Variants in SOX5 observed in about 807,000 individuals in gnomAD.
SOX5 encodes transcription factor SOX-5.
In SOX5, 9 loss-of-function variants were observed where a neutral mutation model predicts 92.0. That is an observed-to-expected ratio of 0.10 (90% CI 0.06 to 0.17). The LOEUF (loss-of-function observed/expected upper bound fraction) is 0.17, where lower values mean the gene tolerates loss of function less well. Ranked by LOEUF, SOX5 falls within the 10% of genes least tolerant of loss-of-function variation. The pLI is 1.00. For synonymous variants in SOX5, 344 were observed against 336.3 expected (o/e 1.02, Z -0.25); for missense variants, 642 against 944.5 (o/e 0.68, Z 4.20).
At chr12:24,411,881 A>G (rs1964160105) in intron 1 of SOX5, among the ~76,000 whole-genome samples, 1 of 152,176 alleles carries the variant, frequency 6.6e-6, no homozygotes, top group South Asian at 2.1e-4. Flanking sequence ...AATGTTTGGT[A>G]GAATTATCTA....
chr12:24,352,361 C>T (rs1199198174), intron 2 of SOX5, among the ~76,000 whole-genome samples: 1 of 152,110 alleles, frequency 6.6e-6, no homozygotes, highest in African/African-American at 2.4e-5. Context: ...AAGCAATCCT[C>T]AAATGGCTCT....
rs541450313 is a variant in SOX5 at position 23,806,272 on chromosome 12, T to C, written c.481+39711A>G. On this transcript the variant is annotated intron_variant, in intron 3 of 14. Coordinates refer to ENST00000451604, the MANE Select transcript of SOX5 (RefSeq NM_006940.6). ...CATTTCTCAACACCACTGCTAACAA[T>C]GCCATGAGAAAGCATTAGGACAAGA... is the stretch of plus-strand genomic sequence containing the variant. 7.0e-4 allele frequency among the ~76,000 whole-genome samples: 106 copies of C among 152,200 alleles called. 1 individual carries two copies. Among genetic ancestry groups the C allele is most frequent in the African/African-American group, 2.4e-3 (101 of 41,540 alleles).
chr12:23,582,985 T>C (rs17382832), intron 9 of SOX5, among the ~76,000 whole-genome samples: 8,473 of 152,222 alleles, frequency 0.056, 337 homozygotes, highest in South Asian at 0.093. Flanking sequence ...TTTCCGACTT[T>C]GTTGAATTAA....
At chr12:24,272,712 A>G (rs1943918932) in intron 3 of SOX5, among the ~76,000 whole-genome samples, 1 of 152,108 alleles carries the variant, frequency 6.6e-6, no homozygotes, top group Non-Finnish European at 1.5e-5. Context: ...CTTGGTCATA[A>G]TTTTATATTA....
At chr12:24,120,621 T>A (rs919836015) in intron 4 of SOX5, among the ~76,000 whole-genome samples, 3 of 152,210 alleles carry the variant, frequency 2.0e-5, no homozygotes, top group African/African-American at 7.2e-5. Context: ...CATTCAATAT[T>A]CCTTTGATAT....
intron 1 of SOX5, among the ~76,000 whole-genome samples, chr12:24,497,601 G>T (rs1229638549): frequency 1.3e-5 from 2 of 152,158 alleles, no homozygotes; most frequent in African/African-American, 4.8e-5. Context: ...ACTGTTGGTG[G>T]GAGTGTAAAT....
At chr12:24,019,774 G>A (rs540540874) in intron 4 of SOX5, among the ~76,000 whole-genome samples, 1 of 152,280 alleles carries the variant, frequency 6.6e-6, no homozygotes, top group Admixed American at 6.5e-5. Flanking sequence ...TTCTCTTCCA[G>A]GGAAAGGCTT....
chr12:23,993,545 C>T (rs1003295938), intron 4 of SOX5, among the ~76,000 whole-genome samples: 1 of 152,148 alleles, frequency 6.6e-6, no homozygotes, highest in Non-Finnish European at 1.5e-5. Flanking sequence ...CTCCCAGATA[C>T]CTCTGTGGTC....
At chr12:24,486,898 T>G (rs1002448627) in intron 1 of SOX5, among the ~76,000 whole-genome samples, 3 of 152,100 alleles carry the variant, frequency 2.0e-5, no homozygotes, top group Admixed American at 1.3e-4. Flanking sequence ...TTGATGTTGA[T>G]CCCAGTAGCA....
intron 3 of SOX5, among the ~76,000 whole-genome samples, chr12:23,815,082 T>C (rs1366657928): frequency 6.6e-6 from 1 of 152,180 alleles, no homozygotes; most frequent in Non-Finnish European, 1.5e-5. Context: ...AGGGCCAAGA[T>C]TACAATGGTC....
intron 4 of SOX5, among the ~76,000 whole-genome samples, chr12:24,030,554 TAA>T (rs1295377651): frequency 6.6e-6 from 1 of 151,842 alleles, no homozygotes; most frequent in Non-Finnish European, 1.5e-5. Context: ...CAAAATAGAA[TAA>T]AGACTTAAAT....
At chr12:24,158,963 C>T (rs938577149) in intron 4 of SOX5, among the ~76,000 whole-genome samples, 2 of 151,762 alleles carry the variant, frequency 1.3e-5, no homozygotes, top group Non-Finnish European at 1.5e-5. Context: ...AAATTAAAAA[C>T]AAAATAATAC....
chr12:23,757,516 G>C (rs1321272947), intron 3 of SOX5, among the ~76,000 whole-genome samples: 1 of 151,868 alleles, frequency 6.6e-6, no homozygotes. Flanking sequence ...AACAGTTTGA[G>C]AGTAAAATTA....
intron 4 of SOX5, among the ~76,000 whole-genome samples, chr12:23,975,340 C>CT (rs201736273): frequency 2.2e-4 from 33 of 150,922 alleles, no homozygotes; most frequent in South Asian, 4.2e-4. Flanking sequence ...ATATGATATA[C>CT]TTTTTTTAAA....
intron 3 of SOX5, among the ~76,000 whole-genome samples, chr12:23,821,116 G>C (rs2096105997): frequency 6.6e-6 from 1 of 152,090 alleles, no homozygotes; most frequent in South Asian, 2.1e-4. Flanking sequence ...GTGGTTTGTA[G>C]TTCTCCTTGA....
chr12:23,883,379 G>A (rs2097021829), intron 2 of SOX5, among the ~76,000 whole-genome samples: 1 of 151,990 alleles, frequency 6.6e-6, no homozygotes, highest in Non-Finnish European at 1.5e-5. Flanking sequence ...GTTATTAAAA[G>A]GAAAACATGA....
chr12:23,913,137 C>A (rs1568920956), intron 1 of SOX5, among the ~76,000 whole-genome samples: 1 of 151,934 alleles, frequency 6.6e-6, no homozygotes. Flanking sequence ...GAATTTGGCG[C>A]TAGACTTGCT....
At chr12:24,542,494 G>A (rs898333069) in intron 1 of SOX5, among the ~76,000 whole-genome samples, 3 of 151,970 alleles carry the variant, frequency 2.0e-5, no homozygotes, top group Admixed American at 6.6e-5. Context: ...TCCCCAAGTC[G>A]CCTGAGAAAC....
chr12:23,820,826 C>A (rs2096096247), intron 3 of SOX5, among the ~76,000 whole-genome samples: 1 of 152,142 alleles, frequency 6.6e-6, no homozygotes, highest in South Asian at 2.1e-4. Context: ...GTTACTACAG[C>A]CTTGTAGTAT....
Sources: gnomAD v4.1 joint callset for allele counts (sites outside exome capture counted in the v4.1 genomes callset) on GRCh38, gnomAD v4.1.1 for gene constraint, MANE v1.5 for transcripts, NCBI Gene and HGNC (gene_info 2026-07-23, HGNC 2026-07-21) for gene names.